Variants in NF1 observed in about 807,000 individuals in gnomAD.
NF1 encodes neurofibromin 1, also known as neurofibromin.
In NF1, 122 loss-of-function variants were observed where a neutral mutation model predicts 325.7. That is an observed-to-expected ratio of 0.37 (90% confidence interval 0.32 to 0.44). NF1 has a LOEUF of 0.44. Ranked by LOEUF, NF1 falls within the 20% of genes least tolerant of loss-of-function variation. The pLI is 1.00. For synonymous variants in NF1, 1,091 were observed against 1,186.0 expected (o/e 0.92, Z 1.65); for missense variants, 2,140 against 3,415.4 (o/e 0.63, Z 9.31).
chr17:31,250,668 T>C, intron 30 of NF1: 1 of 192,778 alleles, frequency 5.2e-6, no homozygotes, highest in Non-Finnish European at 1.1e-5. Context: ...AGCACTTATT[T>C]AGTACTTAGG....
At chr17:31,335,240 G>T (rs545505592) in intron 40 of NF1, among the ~76,000 whole-genome samples, 90 of 10,136 alleles carry the variant, frequency 8.9e-3, no homozygotes, top group African/African-American at 0.03. Context: ...CCAGAGAAAA[G>T]CTAGTTATTT....
At chr17:31,359,075 A>G (rs1284813012) in intron 56 of NF1, 60 bp downstream of exon 56, 1 of 1,337,884 alleles carries the variant, frequency 7.5e-7, no homozygotes, top group East Asian at 2.3e-5. Context: ...TCAAATTAGT[A>G]TGCCTGCTTT....
chr17:31,300,516 T>C (rs2068551996), intron 36 of NF1, among the ~76,000 whole-genome samples: 1 of 152,120 alleles, frequency 6.6e-6, no homozygotes, highest in Non-Finnish European at 1.5e-5. Flanking sequence ...AGTACTCCAT[T>C]TGGGAATGTA....
At chr17:31,114,347 G>A (rs1279123246) in intron 1 of NF1, among the ~76,000 whole-genome samples, 2 of 151,924 alleles carry the variant, frequency 1.3e-5, no homozygotes, top group Non-Finnish European at 2.9e-5. Flanking sequence ...GACCATCCTG[G>A]CTAGCACAGT....
In NF1 at chr17:31,159,800, A is replaced by G. The variant is rs147710611; in HGVS notation, c.288+707A>G. Among the ~76,000 whole-genome samples the G allele has an allele frequency of 2.1e-3, 313 of 152,306 alleles. 2 individuals are homozygous for G. The highest frequency in any genetic ancestry group is 7.4e-3 in the African/African-American group (306 of 41,560). Reference sequence around the variant, plus strand: ...TAAATTAAATACCTCTGTTTTAATGATCTGCCTAATCCATGTGTATTGAAA... The same window carrying G: ...TAAATTAAATACCTCTGTTTTAATGGTCTGCCTAATCCATGTGTATTGAAA... On this transcript the variant is annotated intron_variant, in intron 3 of 57. Transcript: ENST00000358273.
chr17:31,243,184 CTG>C (rs377472053), intron 29 of NF1, among the ~76,000 whole-genome samples: 1,906 of 137,100 alleles, frequency 0.014, 47 homozygotes, highest in African/African-American at 0.051. Flanking sequence ...CTCTCTCTGT[CTG>C]TGTGTGTGTG....
chr17:31,232,567 A>G, intron 25 of NF1, 133 bp from the exon 26 acceptor site: 1 of 819,466 alleles, frequency 1.2e-6, no homozygotes, highest in Non-Finnish European at 2.0e-6. Flanking sequence ...CTGGCTGATT[A>G]TCGCGAGAGA....
In NF1 at chr17:31,326,267, G is replaced by C. The variant is rs1364346008; in HGVS notation, c.5268+15G>C. 1 of 1,603,246 alleles carries C rather than the reference G, an allele frequency of 6.2e-7. No individual in the cohort carries two copies. The highest frequency in any genetic ancestry group is 8.5e-7 in the Non-Finnish European group (1 of 1,179,348). On this transcript the variant is annotated intron_variant, in intron 37 of 57. Transcript: ENST00000358273. ...TTTCTATTAAAGTAAGTTCCAGTCTGTGTTTTGTAAACGATTCATTGCTTT... is the reference window on the plus strand; with the variant it reads ...TTTCTATTAAAGTAAGTTCCAGTCTCTGTTTTGTAAACGATTCATTGCTTT...
chr17:31,137,198 C>T (rs1278472899), intron 1 of NF1: 1 of 152,062 alleles, frequency 6.6e-6, no homozygotes, highest in Non-Finnish European at 1.5e-5. Context: ...AGTTTTTGGA[C>T]TTCTTGGGAG....
chr17:31,185,100 T>A (rs1302282310), intron 8 of NF1, among the ~76,000 whole-genome samples: 2 of 152,170 alleles, frequency 1.3e-5, no homozygotes, highest in Admixed American at 1.3e-4. Context: ...TCTGAAGAGA[T>A]AAACCCTGCG....
chr17:31,132,689 G>A (rs1000180654), intron 1 of NF1, among the ~76,000 whole-genome samples: 5 of 151,656 alleles, frequency 3.3e-5, no homozygotes, highest in Admixed American at 1.3e-4. Flanking sequence ...TTTTTGAGAC[G>A]GAGTTTCACT....
intron 8 of NF1, among the ~76,000 whole-genome samples, chr17:31,192,688 G>A (rs958471349): frequency 2.6e-5 from 4 of 152,196 alleles, no homozygotes; most frequent in Non-Finnish European, 5.9e-5. Context: ...GAATGTGGAT[G>A]TTTTTTCCCC....
intron 1 of NF1, among the ~76,000 whole-genome samples, chr17:31,153,185 C>G (rs1407694148): frequency 1.3e-5 from 2 of 152,102 alleles, no homozygotes; most frequent in East Asian, 1.9e-4. Context: ...CCAGTCAGAT[C>G]TAATAATTAC....
rs541540011 is a variant in NF1, at chr17:31,338,209, T to G, written c.6819+70T>G. 43 of 1,120,200 alleles carry G rather than the reference T, an allele frequency of 3.8e-5. No homozygotes were observed. In the African/African-American group the frequency reaches 4.0e-4, roughly 10 times the overall value. 69.4% of individuals were successfully genotyped at this position (1,120,200 alleles called of 1,614,324 possible). ...AGTTGTAAAGCATATCTTTCATTTT[T>G]CTAAAAGACGTTTAAATTTGAGGTC... On this transcript the variant is annotated intron_variant, in intron 45 of 57. Coordinates refer to ENST00000358273, the MANE Select transcript of NF1 (RefSeq NM_001042492.3).
At chr17:31,285,835 TAA>T (rs1208777161) in intron 36 of NF1, among the ~76,000 whole-genome samples, 1 of 152,162 alleles carries the variant, frequency 6.6e-6, no homozygotes, top group African/African-American at 2.4e-5. Context: ...TTTTCTTATG[TAA>T]CTTACAAACT....
chr17:31,297,789 A>G (rs1325270844), intron 36 of NF1, among the ~76,000 whole-genome samples: 3 of 152,166 alleles, frequency 2.0e-5, no homozygotes, highest in Non-Finnish European at 4.4e-5. Context: ...TTTCAAATTT[A>G]TCAACCACTT....
chr17:31,276,945 C>T (rs2068021908), intron 36 of NF1, among the ~76,000 whole-genome samples: 1 of 152,054 alleles, frequency 6.6e-6, no homozygotes, highest in South Asian at 2.1e-4. Flanking sequence ...ACTAATAAGA[C>T]TGTTGATCGG....
Position 31,295,730 on chromosome 17 carries a change from T to C in NF1, c.4836-30090T>C. The C allele has an allele frequency of 1.2e-6, 2 of 1,614,180 alleles. No individual in the cohort carries two copies. Among genetic ancestry groups the C allele is most frequent in the Non-Finnish European group, 8.5e-7 (1 of 1,180,010 alleles). On this transcript the variant is annotated intron_variant, in intron 36 of 57. Transcript: ENST00000358273. ...TTGGTCTGGAATGAATGTGAACTTA[T>C]TGTTGTGCAGGTAAAGATGTGTGAG...
chr17:31,329,433 G>A (rs1213361401), intron 38 of NF1, among the ~76,000 whole-genome samples: 3 of 152,138 alleles, frequency 2.0e-5, no homozygotes, highest in African/African-American at 7.2e-5. Flanking sequence ...AATTCCAGTG[G>A]CTTTTTTTCC....
Sources: allele counts gnomAD v4.1 joint callset (sites outside exome capture counted in the v4.1 genomes callset), GRCh38; gene constraint gnomAD v4.1.1; transcripts MANE v1.5; gene names NCBI Gene and HGNC (gene_info 2026-07-23, HGNC 2026-07-21).